The following GPHN variants were observed in gnomAD, a reference collection of about 807,000 sequenced individuals.
GPHN encodes gephyrin.
In GPHN, 17 loss-of-function variants were observed where a neutral mutation model predicts 95.5. That is an observed-to-expected ratio of 0.18 (90% confidence interval 0.12 to 0.27). The LOEUF (loss-of-function observed/expected upper bound fraction) is 0.27. GPHN is among the 10% of genes least tolerant of loss of function. The pLI, the probability that GPHN is intolerant of heterozygous loss-of-function variation, is 1.00. For missense variants in GPHN, 660 were observed against 978.1 expected (o/e 0.67, Z 4.34); for synonymous variants, 320 against 322.5 (o/e 0.99, Z 0.08).
chr14:67,571,651 T>G, the GPHN span: 7 of 1,195,170 alleles, frequency 5.9e-6, no homozygotes, highest in Non-Finnish European at 8.6e-6. Context: ...GGCTGGGGGT[T>G]GGCCACACCA....
At chr14:66,976,866 G>T (rs959622003) in intron 9 of GPHN, among the ~76,000 whole-genome samples, 11 of 135,572 alleles carry the variant, frequency 8.1e-5, no homozygotes, top group African/African-American at 3.1e-4. Flanking sequence ...ATGAGTAAAA[G>T]GTAAGCATAG....
chr14:67,200,268 C>T, the GPHN span: 3 of 783,756 alleles, frequency 3.8e-6, no homozygotes, highest in Admixed American at 3.1e-5. Context: ...TCCAACCAGG[C>T]CCACTCCCCA....
At chr14:66,974,813 T>C (rs1458563048) in intron 9 of GPHN, among the ~76,000 whole-genome samples, 1 of 152,164 alleles carries the variant, frequency 6.6e-6, no homozygotes, top group Non-Finnish European at 1.5e-5. Flanking sequence ...GATTAAGAGC[T>C]CAGTTTCTGG....
At chr14:66,672,906 A>G (rs1424821989) in intron 1 of GPHN, among the ~76,000 whole-genome samples, 1 of 152,100 alleles carries the variant, frequency 6.6e-6, no homozygotes, top group East Asian at 1.9e-4. Context: ...ATTGACATTC[A>G]ACATCGTTAT....
At chr14:66,963,381 C>T (rs1054939208) in intron 8 of GPHN, among the ~76,000 whole-genome samples, 5 of 151,886 alleles carry the variant, frequency 3.3e-5, no homozygotes, top group African/African-American at 7.2e-5. Context: ...AGACATTATT[C>T]GTGCAGTTGC....
chr14:67,625,628 C>T, the GPHN span, among the ~76,000 whole-genome samples: 47,621 of 139,906 alleles, frequency 0.34, 8,439 homozygotes, highest in African/African-American at 0.49. Flanking sequence ...TGTGATGAGC[C>T]GAGATTGTGC....
At chr14:66,882,109 A>G (rs992566921) in intron 5 of GPHN, among the ~76,000 whole-genome samples, 4 of 151,736 alleles carry the variant, frequency 2.6e-5, no homozygotes, top group Non-Finnish European at 5.9e-5. Context: ...GGCTTTGTAC[A>G]TGCTTCTGCT....
chr14:67,587,605 C>T, the GPHN span: 516 of 268,042 alleles, frequency 1.9e-3, 3 homozygotes, highest in African/African-American at 0.011. Context: ...CTGGGGGGGG[C>T]GGGGGACACA....
intron 4 of GPHN, among the ~76,000 whole-genome samples, chr14:66,857,473 C>T (rs1185087592): frequency 2.0e-5 from 3 of 152,168 alleles, no homozygotes; most frequent in Non-Finnish European, 4.4e-5. Context: ...GAAATGACAG[C>T]AGGCTTTTCG....
the GPHN span, chr14:67,645,557 A>G: frequency 1.4e-6 from 2 of 1,468,854 alleles, no homozygotes; most frequent in South Asian, 1.3e-5. Flanking sequence ...CTGTGGAGAG[A>G]GTATAAGTTG....
At chr14:67,107,149 G>T (rs1022388758) in intron 13 of GPHN, among the ~76,000 whole-genome samples, 1 of 152,274 alleles carries the variant, frequency 6.6e-6, no homozygotes, top group South Asian at 2.1e-4. Context: ...AGTGGCATAG[G>T]CTGTTAATAT....
At chr14:67,727,561 C>T in the GPHN span, 2 of 287,578 alleles carry the variant, frequency 7.0e-6, no homozygotes, top group African/African-American at 2.3e-5. Flanking sequence ...TGGCTCACTG[C>T]GACCTCTGCC....
intron 1 of GPHN, among the ~76,000 whole-genome samples, chr14:66,566,108 A>G (rs1043804495): frequency 2.0e-5 from 3 of 151,930 alleles, no homozygotes; most frequent in African/African-American, 7.3e-5. Flanking sequence ...TCATCATTTC[A>G]TGTCATTTTT....
chr14:67,727,315 T>C, the GPHN span: 1 of 776,462 alleles, frequency 1.3e-6, no homozygotes, highest in Non-Finnish European at 2.2e-6. Flanking sequence ...CTAAGGAGAA[T>C]GAAATTATGA....
the GPHN span, among the ~76,000 whole-genome samples, chr14:67,280,853 T>TTCCTTCCTTCCTTCCCTCCTTCCCTCCC: frequency 3.9e-5 from 3 of 77,576 alleles, no homozygotes; most frequent in East Asian, 2.0e-3. Flanking sequence ...CCTTCCTTCC[T>TTCCTTCCTTCCTTCCCTCCTTCCCTCCC]TCCCTCCCTC....
chr14:66,850,856 CAGAA>C (rs2062552325), intron 4 of GPHN, among the ~76,000 whole-genome samples: 1 of 151,888 alleles, frequency 6.6e-6, no homozygotes, highest in Admixed American at 6.6e-5. Flanking sequence ...CATTGTGAAA[CAGAA>C]AGATCTAGAT....
intron 4 of GPHN, among the ~76,000 whole-genome samples, chr14:66,875,702 G>GCTAA (rs2063628438): frequency 6.6e-6 from 1 of 151,768 alleles, no homozygotes; most frequent in Non-Finnish European, 1.5e-5. Context: ...AACAAGAAGA[G>GCTAA]CTAACCTAAA....
At chr14:67,692,498 G>A in the GPHN span, 24 of 1,613,618 alleles carry the variant, frequency 1.5e-5, no homozygotes, top group Middle Eastern at 6.6e-4. Flanking sequence ...TCCAGTTTCC[G>A]CACCAACACC....
the GPHN span, among the ~76,000 whole-genome samples, chr14:67,523,215 C>T: frequency 5.3e-5 from 8 of 151,502 alleles, no homozygotes; most frequent in South Asian, 2.1e-4. Flanking sequence ...CCCAGCTACT[C>T]GGGAGGCTAA....
Sources: allele counts gnomAD v4.1 joint callset (sites outside exome capture counted in the v4.1 genomes callset), GRCh38; gene constraint gnomAD v4.1.1; transcripts MANE v1.5; gene names NCBI Gene and HGNC (gene_info 2026-07-23, HGNC 2026-07-21).